The following CACNA2D3 variants were observed in gnomAD, a reference collection of about 807,000 sequenced individuals.
The protein encoded by CACNA2D3 is calcium voltage-gated channel auxiliary subunit alpha2delta 3.
In CACNA2D3, 60 loss-of-function variants were observed where a neutral mutation model predicts 160.6. The ratio of observed to expected loss-of-function variants is 0.37; its 90% confidence interval spans 0.30 to 0.46. The LOEUF (loss-of-function observed/expected upper bound fraction) is 0.46, where lower values mean the gene tolerates loss of function less well. Ranked by LOEUF, CACNA2D3 falls within the 20% of genes least tolerant of loss-of-function variation. The pLI is 1.00. For missense variants in CACNA2D3, 1,205 were observed against 1,365.0 expected (o/e 0.88, Z 1.85); for synonymous variants, 558 against 492.9 (o/e 1.13, Z -1.75).
intron 9 of CACNA2D3, 87 bp downstream of exon 9, chr3:54,581,964 A>G: frequency 2.7e-6 from 3 of 1,105,382 alleles, no homozygotes; most frequent in Middle Eastern, 4.2e-4. Flanking sequence ...TGTCTTATCA[A>G]ATGCACTGCC....
At chr3:55,045,230 AG>A (rs1204705122) in intron 35 of CACNA2D3, among the ~76,000 whole-genome samples, 1 of 152,054 alleles carries the variant, frequency 6.6e-6, no homozygotes, top group Non-Finnish European at 1.5e-5. Flanking sequence ...TTGTATTTTT[AG>A]TAGAGATGGG....
intron 4 of CACNA2D3, among the ~76,000 whole-genome samples, chr3:54,399,868 C>T (rs1339474161): frequency 2.4e-5 from 3 of 125,824 alleles, no homozygotes; most frequent in African/African-American, 9.3e-5. Flanking sequence ...TCCCAGCAAG[C>T]CTGGGCAATG....
chr3:54,970,259 G>C (rs960006394), intron 29 of CACNA2D3, among the ~76,000 whole-genome samples: 6 of 152,142 alleles, frequency 3.9e-5, no homozygotes, highest in African/African-American at 1.4e-4. Flanking sequence ...GAGCATCAGA[G>C]AAATTAAGTG....
At chr3:54,919,067 G>T (rs541057412) in intron 27 of CACNA2D3, among the ~76,000 whole-genome samples, 1 of 151,642 alleles carries the variant, frequency 6.6e-6, no homozygotes. Context: ...TCCTAAATTG[G>T]CTAAATACTA....
At chr3:54,441,696 C>G (rs1437596970) in intron 4 of CACNA2D3, among the ~76,000 whole-genome samples, 1 of 152,156 alleles carries the variant, frequency 6.6e-6, no homozygotes, top group Non-Finnish European at 1.5e-5. Context: ...GCACTCAACA[C>G]TCATTTCTTC....
chr3:54,626,036 T>C lies in CACNA2D3; in HGVS notation c.964-1751T>C, dbSNP rs983084861. ...GGAAATCATGGGTGGATATTTTCCA[T>C]GAGCTCATTCTTCCTGTTCCTCTCC... On this transcript the variant is annotated intron_variant, in intron 9 of 37. Transcript: ENST00000474759. Among the ~76,000 whole-genome samples the C allele has an allele frequency of 3.9e-5, 6 of 152,220 alleles. No homozygotes were observed. The East Asian group carries it at 1.2e-3, about 29-fold the overall frequency.
At chr3:54,659,984 C>T (rs1699938334) in intron 11 of CACNA2D3, among the ~76,000 whole-genome samples, 1 of 152,064 alleles carries the variant, frequency 6.6e-6, no homozygotes, top group Admixed American at 6.6e-5. Context: ...TATTTAATGG[C>T]ATAGGCAGAC....
At chr3:54,720,127 G>A (rs76015851) in intron 11 of CACNA2D3, among the ~76,000 whole-genome samples, 28 of 151,850 alleles carry the variant, frequency 1.8e-4, no homozygotes, top group East Asian at 5.8e-4. Flanking sequence ...CTGTGTCATC[G>A]ATTTCTATTC....
At chr3:54,871,759 G>T in intron 18 of CACNA2D3, 137 bp downstream of exon 18, 1 of 652,198 alleles carries the variant, frequency 1.5e-6, no homozygotes, top group Admixed American at 2.8e-5. Context: ...GAGACAAGGG[G>T]CCTTTGTACC....
Position 54,280,614 on chromosome 3 carries a change from T to A in CACNA2D3, c.205-39828T>A, listed in dbSNP as rs567798918. Among the ~76,000 whole-genome samples the A allele has an allele frequency of 9.9e-5, 15 of 152,088 alleles. No homozygotes were observed. The East Asian group carries it at 2.9e-3, about 29-fold the overall frequency. ...GGTGACATGAAAGCCTAGACTTGATTCCCCGCCACAGTTTGGAGCATGCCT... is the reference window on the plus strand; with the variant it reads ...GGTGACATGAAAGCCTAGACTTGATACCCCGCCACAGTTTGGAGCATGCCT... On this transcript the variant is annotated intron_variant, in intron 2 of 37. Transcript: ENST00000474759.
At position 54,879,415 on chromosome 3, in the gene CACNA2D3, G is replaced by C. The variant is rs1699740240; in HGVS notation, c.1844+4G>C. On this transcript the variant is annotated splice_donor_region_variant and intron_variant, in intron 20 of 37. Coordinates refer to ENST00000474759, the MANE Select transcript of CACNA2D3 (RefSeq NM_018398.3). ...ACATCAAGGGTACTCCTTTCAGGTA[G>C]AGCTGACCATAATACATGGACATTC... 6.3e-7 allele frequency: 1 copy of C among 1,599,822 alleles called. No homozygotes were observed. The highest frequency in any genetic ancestry group is 1.3e-5 in the African/African-American group (1 of 74,178).
chr3:54,539,497 G>A (rs1219810602), intron 5 of CACNA2D3, among the ~76,000 whole-genome samples: 1 of 152,184 alleles, frequency 6.6e-6, no homozygotes, highest in Non-Finnish European at 1.5e-5. Flanking sequence ...TTTGCTTTGT[G>A]ACATTTGTGT....
chr3:54,472,724 C>T (rs573143101), intron 4 of CACNA2D3, among the ~76,000 whole-genome samples: 47 of 152,168 alleles, frequency 3.1e-4, no homozygotes, highest in Non-Finnish European at 5.4e-4. Flanking sequence ...AAATCATAAA[C>T]ATTTCTGTAC....
At chr3:55,007,696 G>T (rs2280187) in intron 32 of CACNA2D3, 94 bp from the exon 33 acceptor site, 115,882 of 774,378 alleles carry the variant, frequency 0.15, 9,184 homozygotes, top group Admixed American at 0.22. Flanking sequence ...AATCTCTCTA[G>T]AAGAATAACA....
intron 17 of CACNA2D3, among the ~76,000 whole-genome samples, chr3:54,861,984 G>A (rs1214688795): frequency 6.6e-6 from 1 of 152,180 alleles, no homozygotes; most frequent in East Asian, 1.9e-4. Context: ...ACATATCACT[G>A]TAATTGAGAA....
At chr3:54,319,064 C>G (rs916582214) in intron 2 of CACNA2D3, among the ~76,000 whole-genome samples, 6 of 151,816 alleles carry the variant, frequency 4.0e-5, no homozygotes, top group Non-Finnish European at 7.4e-5. Context: ...TCCCCTTGTC[C>G]TCAAACAGTA....
chr3:54,657,150 C>T (rs1699888573), intron 11 of CACNA2D3, among the ~76,000 whole-genome samples: 1 of 152,234 alleles, frequency 6.6e-6, no homozygotes, highest in African/African-American at 2.4e-5. Context: ...AGGAATTTCA[C>T]AAGACAATGT....
At chr3:54,374,914 C>T (rs1192202321) in intron 3 of CACNA2D3, among the ~76,000 whole-genome samples, 1 of 152,156 alleles carries the variant, frequency 6.6e-6, no homozygotes, top group Non-Finnish European at 1.5e-5. Context: ...ATTTGGTCTC[C>T]AGCCTCCTTT....
chr3:54,672,669 G>T (rs1700180895), intron 11 of CACNA2D3, among the ~76,000 whole-genome samples: 1 of 152,236 alleles, frequency 6.6e-6, no homozygotes, highest in South Asian at 2.1e-4. Context: ...GGAGCAACTT[G>T]TTTGGCTTTG....
Sources: gnomAD v4.1 joint callset for allele counts (sites outside exome capture counted in the v4.1 genomes callset) on GRCh38, gnomAD v4.1.1 for gene constraint, MANE v1.5 for transcripts, NCBI Gene and HGNC (gene_info 2026-07-23, HGNC 2026-07-21) for gene names.